Variants in TNC observed in about 807,000 individuals in gnomAD.
TNC encodes the protein tenascin.
A neutral mutation model predicts 202.4 loss-of-function variants in TNC; 109 were observed. That is an observed-to-expected ratio of 0.54 (90% CI 0.46 to 0.63). The LOEUF (loss-of-function observed/expected upper bound fraction) is 0.63, where lower values mean the gene tolerates loss of function less well. Among genes scored for constraint, TNC ranks in the 30% least tolerant of loss-of-function variants. TNC has a pLI of 0.00. For synonymous variants in TNC, 1,007 were observed against 1,089.7 expected, an observed-to-expected ratio of 0.92 and a Z score of 1.50; for missense variants, 2,756 against 2,833.3, an observed-to-expected ratio of 0.97 and a Z score of 0.62.
In TNC at chr9:115,042,252, T is replaced by C; in HGVS notation, c.5215A>G (p.Ser1739Gly). The C allele has an allele frequency of 6.2e-7, 1 of 1,614,094 alleles. No individual in the cohort carries two copies. Among genetic ancestry groups the C allele is most frequent in the Non-Finnish European group, 8.5e-7 (1 of 1,179,976 alleles). ...SWRAPTAQVE[S>G]FRITYVPITG... ...ATGGGCACATAGGTAATCCGGAAGC[T>C]CTCCACTTGGGCTGTGGGTGCCCTC... The change falls in exon 18 of 28, where the codon AGC becomes GGC. Residue 1739 changes from serine (S) to glycine (G), a missense_variant. By Grantham distance (56) the Ser-to-Gly change is moderately conservative. Transcript: ENST00000350763.
At position 115,087,138 on chromosome 9, in the gene TNC, C is replaced by T; in HGVS notation, c.593G>A (p.Gly198Asp). 1 of 1,614,252 alleles carries T rather than the reference C, an allele frequency of 6.2e-7. No individual in the cohort carries two copies. The highest frequency in any genetic ancestry group is 8.5e-7 in the Non-Finnish European group (1 of 1,180,048). The change falls in exon 3 of 28, where the codon GGC becomes GAC. Residue 198 changes from glycine (G) to aspartate (D), a missense_variant. Transcript: ENST00000350763. The part of the protein sequence containing the change: ...PECPGNCHLR[G>D]RCIDGQCICD... ...GATGCACTGCCCATCAATGCACCGG[C>T]CTCGAAGGTGACAGTTGCCTGGACA...
chr9:115,117,338 G>A (rs376520959), intron 1 of TNC, among the ~76,000 whole-genome samples: 31 of 152,164 alleles, frequency 2.0e-4, no homozygotes, highest in South Asian at 8.3e-4. Context: ...AGACATGTGG[G>A]ACGCTGCTGG....
At position 115,098,938 on chromosome 9, in the gene TNC, ATTTTTTTTT is replaced by A. The variant is rs35624621; in HGVS notation, c.-136-7793_-136-7785del. 6.3e-5 allele frequency among the ~76,000 whole-genome samples: 8 copies of A among 127,360 alleles called. 1 individual carries two copies. The highest frequency in any genetic ancestry group is 3.5e-4 in the Admixed American group (4 of 11,534). 83.6% of individuals were successfully genotyped at this position (127,360 alleles called of 152,430 possible). A position where few individuals can be genotyped will look rare whatever the true frequency, so the allele number is the denominator to read the frequency against. On this transcript the variant is annotated intron_variant, in intron 1 of 27. Transcript: ENST00000350763. ...AGCCAGGAAACAGCCTTAAGTGTGT[ATTTTTTTTT>A]TTTTTTTTTTCCTGAGGACATCTGA...
At chr9:115,080,133 C>T (rs1439295829) in intron 6 of TNC, among the ~76,000 whole-genome samples, 1 of 152,030 alleles carries the variant, frequency 6.6e-6, no homozygotes, top group African/African-American at 2.4e-5. Flanking sequence ...TATTTGTCCC[C>T]CTATGTTGAA....
chr9:115,042,648 C>A (rs368749062), intron 17 of TNC, among the ~76,000 whole-genome samples: 1 of 152,154 alleles, frequency 6.6e-6, no homozygotes, highest in African/African-American at 2.4e-5. Flanking sequence ...ATGTGACCCC[C>A]GTTCATTTTT....
At chr9:115,099,072 G>A (rs978167414) in intron 1 of TNC, among the ~76,000 whole-genome samples, 3 of 150,508 alleles carry the variant, frequency 2.0e-5, no homozygotes, top group African/African-American at 7.3e-5. Flanking sequence ...GGTGTTTGAA[G>A]AATTCCAGAA....
intron 3 of TNC, among the ~76,000 whole-genome samples, chr9:115,085,661 C>A (rs1834653875): frequency 6.6e-6 from 1 of 152,216 alleles, no homozygotes; most frequent in Admixed American, 6.5e-5. Flanking sequence ...AGCCCTTCAG[C>A]CCTTAAATAG....
In TNC at chr9:115,063,963, T is replaced by C; in HGVS notation, c.3593A>G (p.Gln1198Arg). Residue 1198 changes from glutamine to arginine, a missense_variant, in exon 12 of 28, where the codon CAG (glutamine) becomes CGG (arginine). Gln to Arg is a conservative substitution (Grantham distance 43). Around this residue, in one of 2 missense-constraint regions of TNC, gnomAD observed 2,559 missense variants for 2,546.0 expected, o/e 1.01. Transcript: ENST00000350763. ...CTCTACTGTGTCAGCCTCCTGCACCTGAATGAAAAAGTACTCATAGGCCCC... is the reference window on the plus strand; with the variant it reads ...CTCTACTGTGTCAGCCTCCTGCACCCGAATGAAAAAGTACTCATAGGCCCC... The part of the protein sequence containing the change: ...PEGAYEYFFI[Q>R]VQEADTVEAA... 1 of 1,614,158 alleles carries C rather than the reference T, an allele frequency of 6.2e-7. No individual in the cohort carries two copies. Among genetic ancestry groups the C allele is most frequent in the Non-Finnish European group, 8.5e-7 (1 of 1,180,022 alleles).
chr9:115,073,965 GC>G, intron 9 of TNC, 99 bp from the exon 10 acceptor site: 1 of 1,284,412 alleles, frequency 7.8e-7, no homozygotes, highest in African/African-American at 1.5e-5. Context: ...TCCTAGGTCT[GC>G]CACAGAGGAG....
intron 9 of TNC, among the ~76,000 whole-genome samples, chr9:115,075,146 C>T (rs556513773): frequency 6.6e-6 from 1 of 152,034 alleles, no homozygotes; most frequent in Admixed American, 6.5e-5. Flanking sequence ...AAGCTGGGGG[C>T]TGGGGGAGAG....
intron 23 of TNC, among the ~76,000 whole-genome samples, chr9:115,031,111 A>G (rs1175257406): frequency 6.6e-6 from 1 of 152,210 alleles, no homozygotes; most frequent in Non-Finnish European, 1.5e-5. Flanking sequence ...TGGCATGATG[A>G]AGGAGAAAGA....
intron 1 of TNC, among the ~76,000 whole-genome samples, chr9:115,092,918 T>G (rs746370594): frequency 5.9e-5 from 9 of 152,268 alleles, no homozygotes; most frequent in Middle Eastern, 3.4e-3. Context: ...ATTTACAAAT[T>G]GACATTTCCC....
chr9:115,094,081 T>C (rs1191764094), intron 1 of TNC, among the ~76,000 whole-genome samples: 1 of 152,190 alleles, frequency 6.6e-6, no homozygotes, highest in African/African-American at 2.4e-5. Context: ...CATGACCTCA[T>C]ATATAACAAA....
In TNC at chr9:115,091,038, G is replaced by A. The variant is rs780970753; in HGVS notation, c.-20C>T. On this transcript the variant is annotated 5_prime_UTR_variant, in exon 2 of 28. Transcript: ENST00000350763. ...CCCCATGGTGGAGGTGGGTTTGGCT[G>A]GGTGCTGCTGGGGCTCTAGGGCTCT... 1.9e-6 allele frequency: 3 copies of A among 1,598,674 alleles called. No homozygotes were observed. The highest frequency in any genetic ancestry group is 2.6e-6 in the Non-Finnish European group (3 of 1,174,660).
chr9:115,091,249 T>C (rs1835209648), intron 1 of TNC, 95 bp from the exon 2 acceptor site: 5 of 529,482 alleles, frequency 9.4e-6, no homozygotes. Flanking sequence ...TATATCCCTG[T>C]ATTTGAAGCT....
At position 115,086,051 on chromosome 9, in the gene TNC, C is replaced by G; in HGVS notation, c.1680G>C (p.Glu560Asp). The G allele has an allele frequency of 6.2e-7, 1 of 1,614,192 alleles. No homozygotes were observed. The highest frequency in any genetic ancestry group is 8.5e-7 in the Non-Finnish European group (1 of 1,180,020). ...CATGACAGTCACTGGGACATCTTTGCTCCTTGCAGTCTTTGCCCATAAATC... is the reference window on the plus strand; with the variant it reads ...CATGACAGTCACTGGGACATCTTTGGTCCTTGCAGTCTTTGCCCATAAATC... Reference protein sequence around the residue: ...HEGFMGKDCKEQRCPSDCHGQ... With the variant: ...HEGFMGKDCKDQRCPSDCHGQ... Residue 560 changes from glutamate to aspartate, a missense_variant, in exon 3 of 28, where the codon GAG becomes GAC. Coordinates refer to ENST00000350763, the MANE Select transcript of TNC (RefSeq NM_002160.4).
At position 115,086,824 on chromosome 9, in the gene TNC, CA is replaced by C; in HGVS notation, c.906del (p.Asp302GlufsTer87). ...GRCVENECVC[D>X]EGFTGEDCSE... ...CTGCAGTCTTCGCCCGTGAAACCCT[CA>C]TCACACACGCACTCATTCTCCACGC... On this transcript the variant is annotated frameshift_variant, in exon 3 of 28. Coordinates refer to ENST00000350763, the MANE Select transcript of TNC (RefSeq NM_002160.4). LOFTEE classifies it high-confidence loss of function. 1 of 1,614,206 alleles carries C rather than the reference CA, an allele frequency of 6.2e-7. No homozygotes were observed. Among genetic ancestry groups the C allele is most frequent in the South Asian group, 1.1e-5 (1 of 91,090 alleles).
rs373608048 is a variant in TNC at position 115,021,132 on chromosome 9, T to C, written c.*25A>G. ...CTTTCCTCGCTCTGGGCCTTATTCC[T>C]CTCTCACCCAGTGGTCCCTGGAATT... On this transcript the variant is annotated 3_prime_UTR_variant, in exon 28 of 28. Coordinates refer to ENST00000350763, the MANE Select transcript of TNC (RefSeq NM_002160.4). 3 of 1,574,498 alleles carry C rather than the reference T, an allele frequency of 1.9e-6. No individual in the cohort carries two copies. Among genetic ancestry groups the C allele is most frequent in the Non-Finnish European group, 2.6e-6 (3 of 1,144,726 alleles).
chr9:115,117,218 C>A (rs1470853131), intron 1 of TNC, among the ~76,000 whole-genome samples: 1 of 152,130 alleles, frequency 6.6e-6, no homozygotes, highest in African/African-American at 2.4e-5. Flanking sequence ...TGAGAAGAAC[C>A]CCTGTGTTCT....
Sources: allele counts gnomAD v4.1 joint callset (sites outside exome capture counted in the v4.1 genomes callset), GRCh38; gene constraint gnomAD v4.1.1; regional missense constraint gnomAD v4.1.1; transcripts MANE v1.5; gene names NCBI Gene and HGNC (gene_info 2026-07-23, HGNC 2026-07-21).